The following THSD7B variants were observed in gnomAD, a reference collection of about 807,000 sequenced individuals.
The protein encoded by THSD7B is thrombospondin type-1 domain-containing protein 7B.
THSD7B carries 138 observed loss-of-function variants against 213.6 expected under a neutral mutation model. That is an observed-to-expected ratio of 0.65 (90% CI 0.56 to 0.74). THSD7B has a LOEUF of 0.74. THSD7B is among the 30% of genes least tolerant of loss of function. The pLI is 0.00. For missense variants in THSD7B, 1,931 were observed against 1,991.5 expected, an observed-to-expected ratio of 0.97 and a Z score of 0.58; for synonymous variants, 742 against 687.0, an observed-to-expected ratio of 1.08 and a Z score of -1.25.
In THSD7B at chr2:137,643,262, G is replaced by A. The variant is rs117376359; in HGVS notation, c.3945+629G>A. Among the ~76,000 whole-genome samples the A allele has an allele frequency of 3.5e-3, 538 of 152,232 alleles. 10 individuals carry two copies. The South Asian group carries it at 0.051, about 14-fold the overall frequency. On this transcript the variant is annotated intron_variant, in intron 21 of 27. Transcript: ENST00000409968. ...TCTCTGGCTTCTTGCTTAAGAAATA[G>A]CACATTGTTTTTCCCTATTTTCTTA...
intron 12 of THSD7B, among the ~76,000 whole-genome samples, chr2:137,363,144 A>C (rs1214430945): frequency 6.6e-6 from 1 of 152,142 alleles, no homozygotes; most frequent in African/African-American, 2.4e-5. Context: ...CTACTGGGTA[A>C]ATAACGAAAT....
chr2:137,391,460 G>A (rs1279749172), intron 12 of THSD7B, among the ~76,000 whole-genome samples: 6 of 151,996 alleles, frequency 3.9e-5, no homozygotes, highest in African/African-American at 9.7e-5. Context: ...AGGCCAAGGC[G>A]GGCAGATCAC....
At chr2:137,655,894 G>A (rs1000135035) in intron 22 of THSD7B, among the ~76,000 whole-genome samples, 1 of 152,164 alleles carries the variant, frequency 6.6e-6, no homozygotes, top group African/African-American at 2.4e-5. Flanking sequence ...TTAGAATCAT[G>A]TCTCTATCAC....
intron 1 of THSD7B, among the ~76,000 whole-genome samples, chr2:136,866,254 G>A (rs1385679912): frequency 6.6e-6 from 1 of 150,878 alleles, no homozygotes; most frequent in African/African-American, 2.4e-5. Flanking sequence ...TTGTTTTAAT[G>A]CTTTTAAGAA....
intron 15 of THSD7B, among the ~76,000 whole-genome samples, chr2:137,484,826 G>A (rs1252708816): frequency 1.0e-5 from 1 of 100,032 alleles, no homozygotes; most frequent in Non-Finnish European, 2.1e-5. Flanking sequence ...CTTCTTTTGA[G>A]AAGTGTCTGT....
intron 12 of THSD7B, among the ~76,000 whole-genome samples, chr2:137,380,256 A>AG (rs1009627239): frequency 1.0e-4 from 9 of 89,716 alleles, no homozygotes; most frequent in Non-Finnish European, 1.6e-4. Context: ...TACAAAAAAT[A>AG]GAAAAAAAAA....
At chr2:136,957,903 A>C (rs1043699532) in intron 2 of THSD7B, among the ~76,000 whole-genome samples, 3 of 152,222 alleles carry the variant, frequency 2.0e-5, no homozygotes, top group African/African-American at 7.2e-5. Flanking sequence ...AGTGAGGATT[A>C]ATATGCTGCC....
intron 2 of THSD7B, among the ~76,000 whole-genome samples, chr2:136,946,564 T>C (rs533234081): frequency 2.6e-5 from 4 of 152,352 alleles, no homozygotes; most frequent in Non-Finnish European, 4.4e-5. Flanking sequence ...TGCTGCCTTT[T>C]GTTCAGCTAT....
At chr2:137,599,017 A>C (rs1047601260) in intron 17 of THSD7B, among the ~76,000 whole-genome samples, 2 of 141,908 alleles carry the variant, frequency 1.4e-5, no homozygotes, top group East Asian at 2.2e-4. Context: ...ATATCTCCCA[A>C]TGCTATCCCT....
At chr2:137,503,186 C>T (rs1045651322) in intron 15 of THSD7B, among the ~76,000 whole-genome samples, 1 of 151,850 alleles carries the variant, frequency 6.6e-6, no homozygotes, top group Non-Finnish European at 1.5e-5. Context: ...TTAAAATGAA[C>T]TTTGTTGAAG....
chr2:137,420,512 T>C (rs1198952993), intron 14 of THSD7B, among the ~76,000 whole-genome samples: 1 of 152,154 alleles, frequency 6.6e-6, no homozygotes, highest in East Asian at 1.9e-4. Flanking sequence ...TAGCAAGATA[T>C]ACATTCTCGG....
At chr2:137,358,605 T>G (rs1482074125) in intron 12 of THSD7B, among the ~76,000 whole-genome samples, 1 of 152,202 alleles carries the variant, frequency 6.6e-6, no homozygotes, top group Non-Finnish European at 1.5e-5. Context: ...GGATAAATTC[T>G]CAGATAAGCA....
chr2:137,189,519 C>T lies in THSD7B; in HGVS notation c.1723+18581C>T, dbSNP rs79441903. Among the ~76,000 whole-genome samples the T allele has an allele frequency of 9.4e-5, 13 of 138,426 alleles. No individual in the cohort carries two copies. The East Asian group carries it at 2.2e-3, about 23-fold the overall frequency. 90.8% of individuals were successfully genotyped at this position (138,426 alleles called of 152,430 possible). On this transcript the variant is annotated intron_variant, in intron 7 of 27. Coordinates refer to ENST00000409968, the MANE Select transcript of THSD7B (RefSeq NM_001316349.2). ...CCATGGCCTATGCCCTCTAGAGCTT[C>T]GTTCAAGTCTGCTCCATCCACAGGG...
At chr2:137,108,388 C>A (rs1453755975) in intron 4 of THSD7B, among the ~76,000 whole-genome samples, 2 of 152,186 alleles carry the variant, frequency 1.3e-5, no homozygotes, top group Non-Finnish European at 2.9e-5. Context: ...CTAATTTTGG[C>A]TTTGCTAATT....
intron 2 of THSD7B, among the ~76,000 whole-genome samples, chr2:137,007,297 A>G (rs1489713929): frequency 1.3e-5 from 2 of 152,180 alleles, no homozygotes; most frequent in East Asian, 3.9e-4. Context: ...AGCTTAAATT[A>G]TGCCTGAGAA....
At chr2:136,771,436 T>C (rs1681502417) in intron 1 of THSD7B, among the ~76,000 whole-genome samples, 1 of 152,204 alleles carries the variant, frequency 6.6e-6, no homozygotes, top group Non-Finnish European at 1.5e-5. Flanking sequence ...TTCCAGATAC[T>C]ACATCAATTT....
chr2:137,503,842 T>C (rs1455562574), intron 15 of THSD7B, among the ~76,000 whole-genome samples: 1 of 151,808 alleles, frequency 6.6e-6, no homozygotes, highest in African/African-American at 2.4e-5. Flanking sequence ...CTGGCCAACA[T>C]GGTGAAACCC....
At chr2:137,035,642 A>G (rs1686760885) in intron 2 of THSD7B, among the ~76,000 whole-genome samples, 1 of 152,040 alleles carries the variant, frequency 6.6e-6, no homozygotes, top group South Asian at 2.1e-4. Flanking sequence ...TGAATGAATA[A>G]ATACACTGAT....
intron 2 of THSD7B, among the ~76,000 whole-genome samples, chr2:136,988,927 A>T (rs1329453497): frequency 1.3e-5 from 2 of 152,252 alleles, no homozygotes; most frequent in African/African-American, 4.8e-5. Context: ...AATGTTCCCC[A>T]AAAGTTTACA....
Sources: allele counts gnomAD v4.1 joint callset (sites outside exome capture counted in the v4.1 genomes callset), GRCh38; gene constraint gnomAD v4.1.1; transcripts MANE v1.5; gene names NCBI Gene and HGNC (gene_info 2026-07-23, HGNC 2026-07-21).